Variants in TRPM3 observed in about 807,000 individuals in gnomAD.
The protein encoded by TRPM3 is long transient receptor potential channel 3.
A neutral mutation model predicts 181.2 loss-of-function variants in TRPM3; 77 were observed. The ratio of observed to expected loss-of-function variants is 0.42; its 90% CI spans 0.35 to 0.51. The LOEUF (loss-of-function observed/expected upper bound fraction) is 0.51, where lower values mean the gene tolerates loss of function less well. TRPM3 is among the 20% of genes least tolerant of loss of function. The pLI is 0.01. For synonymous variants in TRPM3, 745 were observed against 796.4 expected (o/e 0.94, Z 1.09); for missense variants, 1,759 against 2,196.7 (o/e 0.80, Z 3.98).
At chr9:71,422,737 C>CAGTTA (rs2093799728) in intron 1 of TRPM3, among the ~76,000 whole-genome samples, 1 of 152,010 alleles carries the variant, frequency 6.6e-6, no homozygotes, top group African/African-American at 2.4e-5. Flanking sequence ...TGGTTTCTTA[C>CAGTTA]AGTTACCCTT....
At chr9:71,370,477 GAAAA>G (rs111456800) in intron 1 of TRPM3, among the ~76,000 whole-genome samples, 2 of 148,652 alleles carry the variant, frequency 1.3e-5, no homozygotes, top group Middle Eastern at 3.5e-3. Flanking sequence ...GGTCTGGATA[GAAAA>G]AAAAAATCAA....
intron 1 of TRPM3, among the ~76,000 whole-genome samples, chr9:70,897,874 G>A (rs2096304151): frequency 6.6e-6 from 1 of 152,186 alleles, no homozygotes; most frequent in Non-Finnish European, 1.5e-5. Flanking sequence ...TTCAAGAAGG[G>A]TCAGACTGGT....
chr9:71,111,680 A>G (rs991301840), intron 1 of TRPM3, among the ~76,000 whole-genome samples: 2 of 152,230 alleles, frequency 1.3e-5, no homozygotes, highest in Non-Finnish European at 2.9e-5. Context: ...CTTATCTGCC[A>G]GGTCCTAAAT....
At chr9:71,188,315 G>A (rs2077808337) in intron 1 of TRPM3, among the ~76,000 whole-genome samples, 1 of 151,822 alleles carries the variant, frequency 6.6e-6, no homozygotes, top group African/African-American at 2.4e-5. Flanking sequence ...TCCAATGTGA[G>A]TAGGAAAAGG....
In TRPM3 at chr9:70,603,675, A is replaced by G. The variant is rs377260327; in HGVS notation, c.2668-205T>C. On this transcript the variant is annotated intron_variant, in intron 19 of 25. Transcript: ENST00000677713. ...ATTATAATATGCAATCTTCCTTTTG[A>G]CCTGTACATGTATCTCTGGGGCTCT... Among the ~76,000 whole-genome samples, 103 of 152,322 alleles carry G rather than the reference A, an allele frequency of 6.8e-4. 2 individuals carry two copies. In the South Asian group the frequency reaches 0.02, roughly 29 times the overall value.
chr9:70,581,846 C>T (rs1314533776), intron 22 of TRPM3, among the ~76,000 whole-genome samples: 2 of 152,032 alleles, frequency 1.3e-5, no homozygotes, highest in Non-Finnish European at 2.9e-5. Context: ...TCCTCTGCTG[C>T]CCTCAACAAT....
At chr9:71,310,441 A>G (rs2087812858) in intron 1 of TRPM3, among the ~76,000 whole-genome samples, 3 of 152,124 alleles carry the variant, frequency 2.0e-5, no homozygotes, top group African/African-American at 7.2e-5. Context: ...TCTAGGCAAC[A>G]TCTGTGGTTA....
chr9:71,432,089 C>G (rs2093963069), intron 1 of TRPM3, among the ~76,000 whole-genome samples: 2 of 152,096 alleles, frequency 1.3e-5, no homozygotes, highest in Non-Finnish European at 1.5e-5. Context: ...TAACATCCAG[C>G]CTTCTAGAGG....
chr9:71,005,552 AT>A (rs2097664414), intron 1 of TRPM3, among the ~76,000 whole-genome samples: 1 of 152,216 alleles, frequency 6.6e-6, no homozygotes, highest in African/African-American at 2.4e-5. Flanking sequence ...AACATATTCA[AT>A]AGAGTCTCAA....
At chr9:70,909,756 A>AAGAAAATG (rs1740198961) in intron 1 of TRPM3, among the ~76,000 whole-genome samples, 1 of 152,218 alleles carries the variant, frequency 6.6e-6, no homozygotes, top group African/African-American at 2.4e-5. Flanking sequence ...ATTTGTCATC[A>AAGAAAATG]AGAAAATGAG....
intron 1 of TRPM3, among the ~76,000 whole-genome samples, chr9:71,140,111 A>C (rs1341311557): frequency 6.6e-6 from 1 of 152,194 alleles, no homozygotes; most frequent in African/African-American, 2.4e-5. Context: ...TGGCATCCTG[A>C]AATGTTGCAC....
chr9:71,279,635 G>A (rs1297014852), intron 1 of TRPM3, among the ~76,000 whole-genome samples: 1 of 152,164 alleles, frequency 6.6e-6, no homozygotes, highest in Admixed American at 6.5e-5. Context: ...ACTTGGAAGT[G>A]TTGGTTCCCC....
intron 18 of TRPM3, among the ~76,000 whole-genome samples, chr9:70,612,938 T>C (rs749400028): frequency 3.9e-5 from 6 of 152,098 alleles, no homozygotes; most frequent in Non-Finnish European, 8.8e-5. Flanking sequence ...CATTTTGGGG[T>C]AACTTCTGGG....
At chr9:71,272,011 G>C (rs933224980) in intron 1 of TRPM3, among the ~76,000 whole-genome samples, 1 of 152,168 alleles carries the variant, frequency 6.6e-6, no homozygotes, top group Non-Finnish European at 1.5e-5. Context: ...GATAGTCTGA[G>C]ACATAATTTT....
chr9:70,842,079 G>T (rs1342811736), intron 5 of TRPM3, among the ~76,000 whole-genome samples: 1 of 151,958 alleles, frequency 6.6e-6, no homozygotes, highest in Non-Finnish European at 1.5e-5. Flanking sequence ...ATTTTTTAAG[G>T]CCAACAGAGT....
intron 1 of TRPM3, among the ~76,000 whole-genome samples, chr9:70,914,268 C>G (rs767131929): frequency 2.6e-5 from 4 of 152,200 alleles, no homozygotes; most frequent in Non-Finnish European, 4.4e-5. Context: ...AACACAGGAA[C>G]ATCGTGCTAT....
intron 1 of TRPM3, among the ~76,000 whole-genome samples, chr9:70,879,374 G>C (rs1369341272): frequency 6.6e-6 from 1 of 152,010 alleles, no homozygotes; most frequent in African/African-American, 2.4e-5. Context: ...CTTCAGAGAG[G>C]TAGTTGCAAA....
At chr9:71,253,923 A>AATT (rs753382812) in intron 1 of TRPM3, among the ~76,000 whole-genome samples, 3 of 152,032 alleles carry the variant, frequency 2.0e-5, no homozygotes, top group African/African-American at 4.8e-5. Context: ...AAAGTGGATA[A>AATT]ATTATTATTA....
At chr9:70,553,348 C>G (rs760288633) in intron 22 of TRPM3, 38 bp from the exon 23 acceptor site, 1 of 1,600,818 alleles carries the variant, frequency 6.2e-7, no homozygotes, top group African/African-American at 1.3e-5. Flanking sequence ...GAGAAACTGG[C>G]TATTTGAGTT....
Sources: allele counts gnomAD v4.1 joint callset (sites outside exome capture counted in the v4.1 genomes callset), GRCh38; gene constraint gnomAD v4.1.1; transcripts MANE v1.5; gene names NCBI Gene and HGNC (gene_info 2026-07-23, HGNC 2026-07-21).